The following MMS22L variants were observed in gnomAD, a reference collection of about 807,000 sequenced individuals.
The protein encoded by MMS22L is protein MMS22-like.
A neutral mutation model predicts 159.1 loss-of-function variants in MMS22L; 74 were observed. The observed-to-expected ratio is 0.47, with a 90% CI of 0.39 to 0.56. The LOEUF is 0.56. MMS22L is among the 20% of genes least tolerant of loss of function. The pLI, the probability that MMS22L is intolerant of heterozygous loss-of-function variation, is 0.00. For missense variants in MMS22L, 1,351 were observed against 1,422.1 expected, an observed-to-expected ratio of 0.95 and a Z score of 0.80; for synonymous variants, 517 against 506.9, an observed-to-expected ratio of 1.02 and a Z score of -0.27.
Position 97,282,536 on chromosome 6 carries a change from GA to G in MMS22L, c.-60del. On this transcript the variant is annotated 5_prime_UTR_variant, in exon 2 of 25. Coordinates refer to ENST00000683635, the MANE Select transcript of MMS22L (RefSeq NM_001350599.2). ...GTCGTATCATTAAGGGCTCCAAAGA[GA>G]AGGTGTGAAGAGATTCCTGTTGGGG... The G allele has an allele frequency of 2.2e-6, 1 of 457,082 alleles. No individual in the cohort carries two copies. The allele number at this position is 457,082 out of a possible 1,614,324, so 28.3% of individuals were successfully genotyped here. A position where few individuals can be genotyped will look rare whatever the true frequency, so the allele number is the denominator to read the frequency against.
intron 4 of MMS22L, among the ~76,000 whole-genome samples, chr6:97,277,400 C>T (rs1010341878): frequency 6.6e-6 from 1 of 151,806 alleles, no homozygotes; most frequent in East Asian, 1.9e-4. Context: ...GGTGACAGAG[C>T]GAGACTCCAT....
At chr6:97,189,104 A>G (rs969349697) in intron 14 of MMS22L, among the ~76,000 whole-genome samples, 2 of 151,952 alleles carry the variant, frequency 1.3e-5, no homozygotes, top group African/African-American at 4.8e-5. Context: ...GAAAGACTAT[A>G]AGAAGAGATG....
chr6:97,279,701 G>C (rs542320320), intron 3 of MMS22L, among the ~76,000 whole-genome samples: 36 of 150,880 alleles, frequency 2.4e-4, no homozygotes, highest in African/African-American at 8.5e-4. Context: ...GCAAAGAAGC[G>C]CTTAAACTCG....
At chr6:97,228,565 G>C (rs1320079641) in intron 14 of MMS22L, among the ~76,000 whole-genome samples, 1 of 152,170 alleles carries the variant, frequency 6.6e-6, no homozygotes, top group African/African-American at 2.4e-5. Context: ...CTGTGTATAA[G>C]ATGTATGTGA....
chr6:97,189,845 A>G (rs1805687058), intron 14 of MMS22L, among the ~76,000 whole-genome samples: 1 of 152,156 alleles, frequency 6.6e-6, no homozygotes, highest in East Asian at 1.9e-4. Flanking sequence ...AGAAGAAATG[A>G]TTACCTGCTA....
intron 3 of MMS22L, among the ~76,000 whole-genome samples, chr6:97,281,005 T>A (rs993165382): frequency 6.6e-6 from 1 of 152,208 alleles, no homozygotes; most frequent in Admixed American, 6.5e-5. Context: ...CCTTAAATAT[T>A]TGTCAATACA....
chr6:97,201,240 A>G lies in MMS22L; in HGVS notation c.2040-14550T>C, dbSNP rs73758128. 1.5e-3 allele frequency among the ~76,000 whole-genome samples: 230 copies of G among 152,248 alleles called. 1 individual carries two copies. The highest frequency in any genetic ancestry group is 5.3e-3 in the African/African-American group (222 of 41,568). On this transcript the variant is annotated intron_variant, in intron 14 of 24. Coordinates refer to ENST00000683635, the MANE Select transcript of MMS22L (RefSeq NM_001350599.2). Reference sequence around the variant, plus strand: ...AAAGTATTTCCAACAGATAATATATAATATATTCTTTTGAGAAAAATCAGT... The same window carrying G: ...AAAGTATTTCCAACAGATAATATATGATATATTCTTTTGAGAAAAATCAGT...
intron 15 of MMS22L, among the ~76,000 whole-genome samples, chr6:97,184,763 C>T (rs1286600991): frequency 6.6e-6 from 1 of 152,112 alleles, no homozygotes; most frequent in Non-Finnish European, 1.5e-5. Context: ...CCCTAACTGC[C>T]TTCCTGCTTT....
At chr6:97,228,188 G>C (rs891005182) in intron 14 of MMS22L, among the ~76,000 whole-genome samples, 1 of 152,170 alleles carries the variant, frequency 6.6e-6, no homozygotes, top group Non-Finnish European at 1.5e-5. Flanking sequence ...ATCTTGCTCA[G>C]AATATCTGTA....
At chr6:97,264,118 A>T (rs35337866) in intron 8 of MMS22L, 12,495 of 152,238 alleles carry the variant, frequency 0.082, 952 homozygotes, top group African/African-American at 0.2. Flanking sequence ...AGCCGCAGAT[A>T]CCTGGTAAGA....
rs1800914322 is a variant in MMS22L, at chr6:97,146,064, TAA to T, written c.*740_*741del. 6.6e-6 allele frequency: 1 copy of T among 151,892 alleles called. No individual in the cohort carries two copies. Among genetic ancestry groups the T allele is most frequent in the Admixed American group, 6.6e-5 (1 of 15,238 alleles). The allele number at this position is 151,892 out of a possible 1,614,324, so 9.4% of individuals were successfully genotyped here. On this transcript the variant is annotated 3_prime_UTR_variant, in exon 25 of 25. Coordinates refer to ENST00000683635, the MANE Select transcript of MMS22L (RefSeq NM_001350599.2). The stretch of plus-strand genomic sequence containing the variant: ...AGAATATTTTTATTTACTCTCCTCT[TAA>T]AGTCTCCTTTATTTCCTCCTCCTGA...
rs568429635 is a variant in MMS22L at position 97,251,855 on chromosome 6, G to A, written c.1119+2702C>T. 8.6e-5 allele frequency among the ~76,000 whole-genome samples: 13 copies of A among 151,938 alleles called. No individual in the cohort carries two copies. The East Asian group carries it at 2.3e-3, about 27-fold the overall frequency. On this transcript the variant is annotated intron_variant, in intron 10 of 24. Coordinates refer to ENST00000683635, the MANE Select transcript of MMS22L (RefSeq NM_001350599.2). The stretch of plus-strand genomic sequence containing the variant: ...TCCCAGCACTTTGAGAGGCCGAAGC[G>A]GGCGGATCACGAGGTCAGAAGATCA...
chr6:97,274,643 A>C (rs964429513), intron 4 of MMS22L, among the ~76,000 whole-genome samples: 2 of 151,810 alleles, frequency 1.3e-5, no homozygotes, highest in African/African-American at 4.8e-5. Flanking sequence ...AGCCCAACTC[A>C]CTCTTTGAGA....
At chr6:97,261,825 T>A (rs1405123174) in intron 9 of MMS22L, 1 of 152,222 alleles carries the variant, frequency 6.6e-6, no homozygotes, top group African/African-American at 2.4e-5. Flanking sequence ...TTTTTTTCTT[T>A]TTTCAAGAGA....
chr6:97,207,358 T>C (rs1807894814), intron 14 of MMS22L, among the ~76,000 whole-genome samples: 1 of 152,178 alleles, frequency 6.6e-6, no homozygotes, highest in Non-Finnish European at 1.5e-5. Context: ...CAGAAGTCTC[T>C]GGCCTAATGC....
At chr6:97,281,731 A>G (rs1299972323) in intron 2 of MMS22L, among the ~76,000 whole-genome samples, 1 of 152,234 alleles carries the variant, frequency 6.6e-6, no homozygotes, top group African/African-American at 2.4e-5. Flanking sequence ...ATAGTATCCA[A>G]CTAATGAAGT....
rs1256823103 is a variant in MMS22L at position 97,146,666 on chromosome 6, C to T, written c.*140G>A. ...CAGTTCCTTATTTATACATTTTTTA[C>T]TTACAGATATAAAAGGAAAAAAAAT... On this transcript the variant is annotated 3_prime_UTR_variant, in exon 25 of 25. Coordinates refer to ENST00000683635, the MANE Select transcript of MMS22L (RefSeq NM_001350599.2). 1 of 500,126 alleles carries T rather than the reference C, an allele frequency of 2.0e-6. No individual in the cohort carries two copies. The highest frequency in any genetic ancestry group is 3.4e-6 in the Non-Finnish European group (1 of 294,126). The allele number at this position is 500,126 out of a possible 1,614,324, so 31.0% of individuals were successfully genotyped here.
rs1401805013 is a variant in MMS22L at position 97,281,279 on chromosome 6, G to A, written c.248C>T (p.Thr83Ile). ...EIFGIQWVTETALVNSSRELF... is the reference protein window; with the variant it reads ...EIFGIQWVTEIALVNSSRELF... ...TTCTCTAGATGAATTCACTAATGCT[G>A]TTTCAGTAACCCACTGAATGCCAAA... Residue 83 changes from threonine (T) to isoleucine (I), a missense_variant, in exon 3 of 25, where the codon ACA becomes ATA. By Grantham distance (89) the Thr-to-Ile change is moderately conservative. Transcript: ENST00000683635. 6.2e-7 allele frequency: 1 copy of A among 1,611,376 alleles called. No individual in the cohort carries two copies. Among genetic ancestry groups the A allele is most frequent in the Non-Finnish European group, 8.5e-7 (1 of 1,179,174 alleles).
At chr6:97,219,177 A>G (rs190580118) in intron 14 of MMS22L, among the ~76,000 whole-genome samples, 3 of 152,296 alleles carry the variant, frequency 2.0e-5, no homozygotes, top group Admixed American at 6.5e-5. Context: ...GAGCCAAACC[A>G]TATCAACTGG....
Sources: gnomAD v4.1 joint callset for allele counts (sites outside exome capture counted in the v4.1 genomes callset) on GRCh38, gnomAD v4.1.1 for gene constraint, MANE v1.5 for transcripts, NCBI Gene and HGNC (gene_info 2026-07-23, HGNC 2026-07-21) for gene names.